The following FRMPD4 variants were observed in gnomAD, a reference collection of about 807,000 sequenced individuals.
FRMPD4 encodes FERM and PDZ domain containing 4, also known as FERM and PDZ domain-containing protein 4.
A neutral mutation model predicts 94.1 loss-of-function variants in FRMPD4; 22 were observed. The ratio of observed to expected loss-of-function variants is 0.23; its 90% CI spans 0.17 to 0.33. FRMPD4 has a LOEUF of 0.33. FRMPD4 is among the 10% of genes least tolerant of loss of function. The probability of loss-of-function intolerance (pLI) is 1.00; values close to 1 mark genes in which losing one functional copy is unlikely to be tolerated. For synonymous variants in FRMPD4, 631 were observed against 548.6 expected, an observed-to-expected ratio of 1.15 and a Z score of -2.10; for missense variants, 1,111 against 1,339.9, an observed-to-expected ratio of 0.83 and a Z score of 2.67.
chrX:12,546,361 A>G (rs559052436), intron 2 of FRMPD4, among the ~76,000 whole-genome samples: 66 of 111,249 alleles, frequency 5.9e-4, no homozygotes, highest in Admixed American at 4.7e-3. Context: ...TATTTTTCGT[A>G]GAGACCAGGT....
At chrX:12,581,181 T>C (rs1038243699) in intron 2 of FRMPD4, among the ~76,000 whole-genome samples, 1 of 112,415 alleles carries the variant, frequency 8.9e-6, no homozygotes, top group Non-Finnish European at 1.9e-5. Flanking sequence ...CCAACCAAAT[T>C]AGTTGATTGA....
chrX:11,842,971 A>C (rs1601797565), intron 1 of FRMPD4, among the ~76,000 whole-genome samples: 1 of 111,828 alleles, frequency 8.9e-6, no homozygotes, highest in Non-Finnish European at 1.9e-5. Flanking sequence ...ACAACGCTTC[A>C]TGCTATATTT....
rs769822522 is a variant in FRMPD4, at chrX:12,716,305, G to A, written c.1846G>A (p.Ala616Thr). The A allele has an allele frequency of 8.3e-7, 1 of 1,210,633 alleles. No individual in the cohort carries two copies. Among genetic ancestry groups the A allele is most frequent in the South Asian group, 1.8e-5 (1 of 56,945 alleles). Residue 616 changes from alanine (A) to threonine (T), a missense_variant, in exon 15 of 17, where the codon GCC (alanine) becomes ACC (threonine). Coordinates refer to ENST00000675598, the MANE Select transcript of FRMPD4 (RefSeq NM_001368397.1). ...LNQQLSQPGE[A>T]PCEADYRSLA... ...CCAGCAGCTGAGCCAGCCCGGGGAGGCCCCCTGTGAGGCAGACTACAGAAG... is the reference window on the plus strand; with the variant it reads ...CCAGCAGCTGAGCCAGCCCGGGGAGACCCCCTGTGAGGCAGACTACAGAAG...
At chrX:12,470,154 G>A (rs192328066) in intron 1 of FRMPD4, among the ~76,000 whole-genome samples, 4 of 111,955 alleles carry the variant, frequency 3.6e-5, no homozygotes, top group African/African-American at 1.3e-4. Context: ...GTTAAAATCA[G>A]TATATTGGTG....
chrX:12,418,903 A>G (rs929945703), intron 1 of FRMPD4, among the ~76,000 whole-genome samples: 1 of 111,847 alleles, frequency 8.9e-6, no homozygotes, highest in African/African-American at 3.3e-5. Context: ...TTCTTCTTAA[A>G]TAATTCTTCA....
At chrX:12,206,444 A>G (rs919979532) in intron 1 of FRMPD4, among the ~76,000 whole-genome samples, 2 of 111,898 alleles carry the variant, frequency 1.8e-5, no homozygotes, top group African/African-American at 6.5e-5. Context: ...TCTAAAGATG[A>G]CACAGACCCA....
intron 1 of FRMPD4, among the ~76,000 whole-genome samples, chrX:12,270,237 A>G (rs766770450): frequency 9.7e-6 from 1 of 103,546 alleles, no homozygotes; most frequent in African/African-American, 3.6e-5. Flanking sequence ...GAGGAATATT[A>G]GCATGCCAAA....
chrX:12,416,631 G>A (rs777019127), intron 1 of FRMPD4, among the ~76,000 whole-genome samples: 1 of 112,101 alleles, frequency 8.9e-6, no homozygotes, highest in South Asian at 3.7e-4. Flanking sequence ...GGAGTCGTGT[G>A]GTCGAAGGAT....
intron 4 of FRMPD4, among the ~76,000 whole-genome samples, chrX:12,641,241 C>T (rs1463679593): frequency 9.0e-6 from 1 of 110,848 alleles, no homozygotes; most frequent in Non-Finnish European, 1.9e-5. Context: ...GATGCAGTAT[C>T]AGGCAAAGCC....
intron 3 of FRMPD4, among the ~76,000 whole-genome samples, chrX:11,895,657 A>C (rs902005763): frequency 8.9e-6 from 1 of 112,100 alleles, no homozygotes; most frequent in African/African-American, 3.2e-5. Flanking sequence ...GGGGATGAGA[A>C]GATAAACTGT....
At chrX:11,953,183 C>G (rs2054234976) in intron 3 of FRMPD4, among the ~76,000 whole-genome samples, 1 of 112,110 alleles carries the variant, frequency 8.9e-6, no homozygotes, top group African/African-American at 3.2e-5. Context: ...CCTACCTACA[C>G]CTGTTGGTTT....
At chrX:12,679,764 C>A (rs1238212520) in intron 5 of FRMPD4, among the ~76,000 whole-genome samples, 1 of 112,102 alleles carries the variant, frequency 8.9e-6, no homozygotes, top group Non-Finnish European at 1.9e-5. Flanking sequence ...TGTGGTCTAC[C>A]TTGTTTCCCA....
At chrX:11,981,980 T>G (rs1186071563) in intron 3 of FRMPD4, among the ~76,000 whole-genome samples, 1 of 111,828 alleles carries the variant, frequency 8.9e-6, no homozygotes, top group Non-Finnish European at 1.9e-5. Context: ...ACTCTACAAA[T>G]TAGATAGTAT....
At chrX:11,860,310 C>G (rs2053679014) in intron 1 of FRMPD4, among the ~76,000 whole-genome samples, 2 of 111,743 alleles carry the variant, frequency 1.8e-5, no homozygotes, top group Admixed American at 9.5e-5. Context: ...TGCAAGAAGC[C>G]GAACTGCCTG....
At chrX:12,214,279 C>T (rs1000739386) in intron 1 of FRMPD4, among the ~76,000 whole-genome samples, 1 of 111,160 alleles carries the variant, frequency 9.0e-6, no homozygotes, top group African/African-American at 3.3e-5. Flanking sequence ...AGCATAATGA[C>T]GTAAGATATT....
intron 1 of FRMPD4, among the ~76,000 whole-genome samples, chrX:12,469,062 G>A (rs193085521): frequency 1.8e-5 from 2 of 112,140 alleles, no homozygotes; most frequent in African/African-American, 6.5e-5. Context: ...TAAAAGCATG[G>A]TGGTTCTTTT....
chrX:11,864,274 G>A (rs1336802548), intron 1 of FRMPD4, among the ~76,000 whole-genome samples: 1 of 109,157 alleles, frequency 9.2e-6, no homozygotes, highest in Non-Finnish European at 1.9e-5. Context: ...GAAGGGATGA[G>A]GGAGCAAGCA....
chrX:12,435,489 T>C (rs1256284948), intron 1 of FRMPD4, among the ~76,000 whole-genome samples: 1 of 111,698 alleles, frequency 9.0e-6, no homozygotes, highest in Non-Finnish European at 1.9e-5. Context: ...AGTAGGTTGT[T>C]TTCTGTACAT....
At chrX:12,511,879 T>G (rs148054167) in intron 2 of FRMPD4, among the ~76,000 whole-genome samples, 2 of 112,466 alleles carry the variant, frequency 1.8e-5, no homozygotes, top group African/African-American at 3.2e-5. Context: ...ACAAAGAATC[T>G]TGAAAGCAGC....
Sources: allele counts gnomAD v4.1 joint callset (sites outside exome capture counted in the v4.1 genomes callset), GRCh38; gene constraint gnomAD v4.1.1; transcripts MANE v1.5; gene names NCBI Gene and HGNC (gene_info 2026-07-23, HGNC 2026-07-21).